Variants in DYNC1LI1 observed in about 807,000 individuals in gnomAD.
DYNC1LI1 encodes dynein cytoplasmic 1 light intermediate chain 1, also known as cytoplasmic dynein 1 light intermediate chain 1.
A neutral mutation model predicts 63.8 loss-of-function variants in DYNC1LI1; 19 were observed. The observed-to-expected ratio is 0.30, with a 90% CI of 0.21 to 0.44. DYNC1LI1 has a LOEUF of 0.44. Among genes scored for constraint, DYNC1LI1 ranks in the 20% least tolerant of loss-of-function variants. DYNC1LI1 has a pLI of 1.00. For synonymous variants in DYNC1LI1, 225 were observed against 232.3 expected (o/e 0.97, Z 0.28); for missense variants, 565 against 630.2 (o/e 0.90, Z 1.11).
At chr3:32,532,867 T>C (rs1697720729) in intron 8 of DYNC1LI1, 119 bp downstream of exon 8, 2 of 1,378,214 alleles carry the variant, frequency 1.5e-6, no homozygotes, top group East Asian at 2.9e-5. Flanking sequence ...AAATTATACT[T>C]AGAAACCCTC....
chr3:32,555,918 A>G (rs1698108643), intron 2 of DYNC1LI1, among the ~76,000 whole-genome samples: 1 of 152,140 alleles, frequency 6.6e-6, no homozygotes, highest in Non-Finnish European at 1.5e-5. Context: ...AATCCCTTCA[A>G]CTTTTCTGTA....
chr3:32,542,705 C>T (rs554644734), intron 4 of DYNC1LI1, among the ~76,000 whole-genome samples: 2 of 152,190 alleles, frequency 1.3e-5, no homozygotes, highest in South Asian at 4.1e-4. Context: ...GCGCCCAGCC[C>T]TATTTTCAAT....
intron 7 of DYNC1LI1, 99 bp from the exon 8 acceptor site, chr3:32,533,196 T>C (rs373628323): frequency 4.3e-5 from 61 of 1,408,486 alleles, no homozygotes; most frequent in Non-Finnish European, 5.5e-5. Flanking sequence ...TGAAGTCAAT[T>C]TGAACAATTA....
rs944529007 is a variant in DYNC1LI1, at chr3:32,570,821, T to C, written c.-51A>G. 2.1e-5 allele frequency: 33 copies of C among 1,538,894 alleles called. No homozygotes were observed. Among genetic ancestry groups the C allele is most frequent in the South Asian group, 3.6e-5 (3 of 82,890 alleles). ...GGCAAGACTAAATGTGCGAGGCGGCTGAGGCGGTGGCGGTGGAGGCGGCGG... is the reference window on the plus strand; with the variant it reads ...GGCAAGACTAAATGTGCGAGGCGGCCGAGGCGGTGGCGGTGGAGGCGGCGG... On this transcript the variant is annotated 5_prime_UTR_variant, in exon 1 of 13. Transcript: ENST00000273130.
intron 7 of DYNC1LI1, among the ~76,000 whole-genome samples, chr3:32,534,249 G>A (rs894087721): frequency 6.6e-6 from 1 of 152,018 alleles, no homozygotes; most frequent in African/African-American, 2.4e-5. Flanking sequence ...AGAATAAGCA[G>A]ATACAATACA....
chr3:32,542,294 G>T (rs1697892984), intron 4 of DYNC1LI1, among the ~76,000 whole-genome samples: 1 of 152,018 alleles, frequency 6.6e-6, no homozygotes, highest in Non-Finnish European at 1.5e-5. Flanking sequence ...TAGAGATGGG[G>T]TCTCACTATG....
intron 2 of DYNC1LI1, among the ~76,000 whole-genome samples, chr3:32,563,035 A>G (rs1698214147): frequency 6.6e-6 from 1 of 152,108 alleles, no homozygotes; most frequent in Admixed American, 6.5e-5. Context: ...TTTCATACCG[A>G]CATACTTGAT....
chr3:32,551,051 C>G (rs1280835346), intron 2 of DYNC1LI1, among the ~76,000 whole-genome samples: 1 of 150,560 alleles, frequency 6.6e-6, no homozygotes, highest in Non-Finnish European at 1.5e-5. Context: ...TTAAACTAAG[C>G]CAAACACTAA....
In DYNC1LI1 at chr3:32,545,984, G is replaced by A; in HGVS notation, c.221-19C>T. On this transcript the variant is annotated intron_variant, in intron 2 of 12. Transcript: ENST00000273130. ...TCTTCACCTAGATATGTAAAAAAAG[G>A]ATAAATCTTATAAATTATAACACCG... is the stretch of plus-strand genomic sequence containing the variant. 1 of 1,480,170 alleles carries A rather than the reference G, an allele frequency of 6.8e-7. No individual in the cohort carries two copies. Among genetic ancestry groups the A allele is most frequent in the Non-Finnish European group, 9.4e-7 (1 of 1,068,062 alleles). The allele number at this position is 1,480,170 out of a possible 1,614,324, so 91.7% of individuals were successfully genotyped here.
intron 6 of DYNC1LI1, among the ~76,000 whole-genome samples, chr3:32,536,467 C>T (rs556074569): frequency 3.3e-5 from 5 of 152,264 alleles, no homozygotes; most frequent in African/African-American, 1.2e-4. Context: ...CTAATCCTTG[C>T]AATCTAGATT....
chr3:32,536,381 A>G (rs753429570), intron 6 of DYNC1LI1, among the ~76,000 whole-genome samples: 12 of 152,156 alleles, frequency 7.9e-5, no homozygotes, highest in Middle Eastern at 3.2e-3. Context: ...TTTCAACAGT[A>G]AAGTCTCTAA....
chr3:32,570,676 G>A lies in DYNC1LI1; in HGVS notation c.95C>T (p.Ser32Leu). 1 of 1,605,014 alleles carries A rather than the reference G, an allele frequency of 6.2e-7. No individual in the cohort carries two copies. Among genetic ancestry groups the A allele is most frequent in the Non-Finnish European group, 8.5e-7 (1 of 1,176,002 alleles). Reference sequence around the variant, plus strand: ...GCCTGCCGCGGCGCCACCGTTGCCCGACGCTATCTCGTTGCCCAAGGGGCC... The same window carrying A: ...GCCTGCCGCGGCGCCACCGTTGCCCAACGCTATCTCGTTGCCCAAGGGGCC... ...TGGPLGNEIA[S>L]GNGGAAAGDD... The change falls in exon 1 of 13, where the codon TCG (serine) becomes TTG (leucine). Residue 32 changes from serine (S) to leucine (L), a missense_variant. Coordinates refer to ENST00000273130, the MANE Select transcript of DYNC1LI1 (RefSeq NM_016141.4).
In DYNC1LI1 at chr3:32,529,556, A is replaced by C; in HGVS notation, c.1290T>G (p.Ile430Met). 1 of 1,607,466 alleles carries C rather than the reference A, an allele frequency of 6.2e-7. No homozygotes were observed. The highest frequency in any genetic ancestry group is 8.5e-7 in the Non-Finnish European group (1 of 1,176,702). ...GAGATGTACCTTTCATGTTTGGATC[A>C]ATTTTTTTTGACCCAGCAGGAATGG... The part of the protein sequence containing the change: ...VSPIPAGSKK[I>M]DPNMKAGATS... The change falls in exon 11 of 13, where the codon ATT becomes ATG. Residue 430 changes from isoleucine to methionine, a missense_variant. Transcript: ENST00000273130.
intron 4 of DYNC1LI1, among the ~76,000 whole-genome samples, chr3:32,544,481 T>C (rs1470771559): frequency 6.6e-6 from 1 of 152,074 alleles, no homozygotes; most frequent in Non-Finnish European, 1.5e-5. Flanking sequence ...TTAAAAACAG[T>C]AGTTACAGGC....
Position 32,528,621 on chromosome 3 carries a change from CA to C in DYNC1LI1, c.1307-21del, listed in dbSNP as rs755832837. On this transcript the variant is annotated intron_variant, in intron 11 of 12. Transcript: ENST00000273130. ...CTCCAGCTATAAAAAAATAAAAAAA[CA>C]AAAAGCTTTAGCCAAAACATAAGAT... The C allele has an allele frequency of 1.0e-5, 16 of 1,583,530 alleles. 1 individual carries two copies. The Middle Eastern group carries it at 1.8e-3, about 173-fold the overall frequency.
At chr3:32,528,631 T>C in intron 11 of DYNC1LI1, 30 bp from the exon 12 acceptor site, 1 of 1,573,446 alleles carries the variant, frequency 6.4e-7, no homozygotes, top group Non-Finnish European at 8.6e-7. Context: ...CAAAAAGCTT[T>C]AGCCAAAACA....
At chr3:32,568,066 G>A (rs1408418787) in intron 2 of DYNC1LI1, among the ~76,000 whole-genome samples, 1 of 152,040 alleles carries the variant, frequency 6.6e-6, no homozygotes, top group African/African-American at 2.4e-5. Flanking sequence ...TCCAACTCCT[G>A]AGCTCAAACG....
chr3:32,570,608 A>G lies in DYNC1LI1; in HGVS notation c.146+17T>C. 1 of 1,556,334 alleles carries G rather than the reference A, an allele frequency of 6.4e-7. No individual in the cohort carries two copies. Among genetic ancestry groups the G allele is most frequent in the Non-Finnish European group, 8.7e-7 (1 of 1,150,488 alleles). Reference sequence around the variant, plus strand: ...CGGGGGAGCCAGCGGGGGCTGAGGGAGAGGTGGAGTCGTTACCAAAGGTTC... The same window carrying G: ...CGGGGGAGCCAGCGGGGGCTGAGGGGGAGGTGGAGTCGTTACCAAAGGTTC... On this transcript the variant is annotated intron_variant, in intron 1 of 12. Transcript: ENST00000273130.
At chr3:32,542,719 C>A (rs1484545070) in intron 4 of DYNC1LI1, among the ~76,000 whole-genome samples, 4 of 152,016 alleles carry the variant, frequency 2.6e-5, no homozygotes, top group Admixed American at 2.0e-4. Context: ...TTTCAATTTT[C>A]AAAAAACAAA....
Sources: allele counts gnomAD v4.1 joint callset (sites outside exome capture counted in the v4.1 genomes callset), GRCh38; gene constraint gnomAD v4.1.1; transcripts MANE v1.5; gene names NCBI Gene and HGNC (gene_info 2026-07-23, HGNC 2026-07-21).